SHANK1: variants seen among roughly 807,000 people sequenced by gnomAD.
The protein encoded by SHANK1 is SH3 and multiple ankyrin repeat domains protein 1.
Under a neutral mutation model 165.6 loss-of-function variants are expected in SHANK1, and 35 were observed. That is an observed-to-expected ratio of 0.21 (90% CI 0.16 to 0.28). The LOEUF is 0.28. Ranked by LOEUF, SHANK1 falls within the 10% of genes least tolerant of loss-of-function variation. SHANK1 has a pLI of 1.00. For synonymous variants in SHANK1, 1,428 were observed against 1,384.8 expected (o/e 1.03, Z -0.69); for missense variants, 2,681 against 3,036.4 (o/e 0.88, Z 2.75).
rs1223410561 is a variant in SHANK1 at position 50,688,207 on chromosome 19, C to T, written c.2173-149G>A. 1 of 983,316 alleles carries T rather than the reference C, an allele frequency of 1.0e-6. No individual in the cohort carries two copies. The allele number at this position is 983,316 out of a possible 1,614,324, so 60.9% of individuals were successfully genotyped here. A position where few individuals can be genotyped will look rare whatever the true frequency, so the allele number is the denominator to read the frequency against. ...CTCCCTCCGACCCTTCATACCACCGCCTCCCTGGGCAAGCCCCCTTTCCCA... is the reference window on the plus strand; with the variant it reads ...CTCCCTCCGACCCTTCATACCACCGTCTCCCTGGGCAAGCCCCCTTTCCCA... On this transcript the variant is annotated intron_variant, in intron 17 of 23. Transcript: ENST00000293441. The surrounding 1 kb of genome is among the most constrained non-coding windows in gnomAD (Gnocchi z 6.7).
At chr19:50,672,230 C>G (rs572578866) in intron 21 of SHANK1, 116 bp from the exon 22 acceptor site, 3 of 829,460 alleles carry the variant, frequency 3.6e-6, no homozygotes, top group Non-Finnish European at 5.8e-6. Flanking sequence ...AAGCCCCTGC[C>G]GTAAGGGAGA....
rs529072525 is a variant in SHANK1 at position 50,712,642 on chromosome 19, GA to G, written c.793-529del. On this transcript the variant is annotated intron_variant, in intron 6 of 23. Coordinates refer to ENST00000293441, the MANE Select transcript of SHANK1 (RefSeq NM_016148.5). ...TGGAGGCCACTTCCTGCCCCCACTT[GA>G]AGGACAGCTCTGGGTGTGGAAGGCT... Among the ~76,000 whole-genome samples, 452 of 152,350 alleles carry G rather than the reference GA, an allele frequency of 3.0e-3. 7 individuals carry two copies. Among genetic ancestry groups the G allele is most frequent in the African/African-American group, 0.01 (426 of 41,586 alleles).
chr19:50,703,389 G>T, intron 11 of SHANK1, 111 bp downstream of exon 11: 2 of 903,418 alleles, frequency 2.2e-6, no homozygotes, highest in Non-Finnish European at 3.3e-6. Flanking sequence ...CTAGGGACTT[G>T]GATGAGGGCC....
In SHANK1 at chr19:50,712,228, T is replaced by A. The variant is rs148374633; in HGVS notation, c.793-114A>T. 6.4e-6 allele frequency: 7 copies of A among 1,096,328 alleles called. No homozygotes were observed. The African/African-American group carries it at 9.5e-5, about 15-fold the overall frequency. The allele number at this position is 1,096,328 out of a possible 1,614,324, so 67.9% of individuals were successfully genotyped here. ...GTCCTGGGTGACCTACAGTGGCCAA[T>A]GACAGTCTCAGTTCTGCCGTGATGC... On this transcript the variant is annotated intron_variant, in intron 6 of 23. Transcript: ENST00000293441.
chr19:50,694,018 A>AG (rs1986633772), intron 15 of SHANK1, among the ~76,000 whole-genome samples: 1 of 115,994 alleles, frequency 8.6e-6, no homozygotes. Context: ...TCCAGCACAC[A>AG]CCACACACAC....
At chr19:50,673,584 C>T (rs1255458513) in intron 21 of SHANK1, among the ~76,000 whole-genome samples, 9 of 152,096 alleles carry the variant, frequency 5.9e-5, no homozygotes, top group Non-Finnish European at 1.0e-4. Context: ...CTCTCTTCCC[C>T]AGAAACCATC....
At chr19:50,705,762 C>T (rs146760067) in intron 8 of SHANK1, among the ~76,000 whole-genome samples, 7 of 152,306 alleles carry the variant, frequency 4.6e-5, no homozygotes, top group Non-Finnish European at 7.3e-5. Flanking sequence ...ACGTGCCAGG[C>T]GCTTGGCACT....
chr19:50,664,921 A>AT (rs1472848367), intron 23 of SHANK1, among the ~76,000 whole-genome samples: 8 of 152,046 alleles, frequency 5.3e-5, no homozygotes, highest in Admixed American at 3.9e-4. Flanking sequence ...TGACCGGCTA[A>AT]TTTTTTGTAT....
At position 50,667,408 on chromosome 19, in the gene SHANK1, C is replaced by T. The variant is rs753058254; in HGVS notation, c.4552G>A (p.Val1518Ile). The T allele has an allele frequency of 5.9e-6, 9 of 1,516,140 alleles. No individual in the cohort carries two copies. The highest frequency in any genetic ancestry group is 2.5e-5 in the South Asian group (2 of 78,850). The allele number at this position is 1,516,140 out of a possible 1,614,324, so 93.9% of individuals were successfully genotyped here. The change falls in exon 23 of 24, where the codon GTC becomes ATC. Residue 1518 changes from valine to isoleucine, a missense_variant. Physicochemically the swap from Val to Ile is conservative, Grantham distance 29. Coordinates refer to ENST00000293441, the MANE Select transcript of SHANK1 (RefSeq NM_016148.5). The surrounding 1 kb of genome is among the most constrained non-coding windows in gnomAD (Gnocchi z 5.7). ...RGPPSEDGPG[V>I]PPPSPRRSVP... The stretch of plus-strand genomic sequence containing the variant: ...GACCGGCGTGGGCTGGGCGGCGGGA[C>T]CCCCGGCCCGTCCTCCGAGGGGGGA...
In SHANK1 at chr19:50,697,960, G is replaced by A. The variant is rs765460615; in HGVS notation, c.1748-4C>T. ...CCTCCTTCCCCGATGCTAAGTACTG[G>A]ATGGGGAACGGGGACATAGAGACAT... is the stretch of plus-strand genomic sequence containing the variant. On this transcript the variant is annotated splice_polypyrimidine_tract_variant and splice_region_variant and intron_variant, in intron 12 of 23. Coordinates refer to ENST00000293441, the MANE Select transcript of SHANK1 (RefSeq NM_016148.5). This position sits in a 1 kb window ranked among gnomAD's most constrained non-coding sequence, Gnocchi z 4.7. 1 of 1,597,822 alleles carries A rather than the reference G, an allele frequency of 6.3e-7. No individual in the cohort carries two copies. The highest frequency in any genetic ancestry group is 8.6e-7 in the Non-Finnish European group (1 of 1,165,876).
chr19:50,679,848 A>G (rs1986115511), intron 21 of SHANK1, among the ~76,000 whole-genome samples: 1 of 152,044 alleles, frequency 6.6e-6, no homozygotes, highest in Non-Finnish European at 1.5e-5. Context: ...AGAGACAGAG[A>G]TAGAGAGACA....
rs563250952 is a variant in SHANK1, at chr19:50,716,723, T to C, written c.197A>G (p.Asp66Gly). 1.2e-6 allele frequency: 2 copies of C among 1,606,014 alleles called. No homozygotes were observed. Among genetic ancestry groups the C allele is most frequent in the Non-Finnish European group, 1.7e-6 (2 of 1,176,170 alleles). ...GACCATCATGCTGAAGTGGGCGTCG[T>C]CTGGGACGGACATTGAGCGGCCCTG... is the stretch of plus-strand genomic sequence containing the variant. ...GLQGRSMSVPDDAHFSMMVFR... is the reference protein window; with the variant it reads ...GLQGRSMSVPGDAHFSMMVFR... Residue 66 changes from aspartate (D) to glycine (G), a missense_variant, in exon 2 of 24, where the codon GAC becomes GGC. Transcript: ENST00000293441. The surrounding 1 kb of genome is among the most constrained non-coding windows in gnomAD (Gnocchi z 8.4).
At chr19:50,669,499 G>A (rs1011644110) in intron 22 of SHANK1, among the ~76,000 whole-genome samples, 1 of 152,128 alleles carries the variant, frequency 6.6e-6, no homozygotes, top group Non-Finnish European at 1.5e-5. Context: ...ACTGCAAACC[G>A]CAAGGAAGGT....
chr19:50,681,808 G>A (rs1415646715), intron 21 of SHANK1, among the ~76,000 whole-genome samples: 2 of 152,114 alleles, frequency 1.3e-5, no homozygotes, highest in Non-Finnish European at 2.9e-5. Context: ...GTCTCATTCT[G>A]TTGCCCAGGC....
intron 8 of SHANK1, among the ~76,000 whole-genome samples, chr19:50,709,750 C>T (rs1599871312): frequency 6.6e-6 from 1 of 152,070 alleles, no homozygotes; most frequent in African/African-American, 2.4e-5. Flanking sequence ...CAGGTTTTCC[C>T]ACGTTGCCCA....
intron 21 of SHANK1, among the ~76,000 whole-genome samples, chr19:50,674,397 A>C (rs1248517615): frequency 6.6e-6 from 1 of 151,936 alleles, no homozygotes; most frequent in Non-Finnish European, 1.5e-5. Context: ...TGAAGTTCGC[A>C]CCTTTGGGAT....
chr19:50,681,534 G>A (rs538401139), intron 21 of SHANK1, among the ~76,000 whole-genome samples: 1 of 152,258 alleles, frequency 6.6e-6, no homozygotes, highest in South Asian at 2.1e-4. Context: ...GCTCTTGACT[G>A]TCCTGTAACT....
intron 15 of SHANK1, among the ~76,000 whole-genome samples, chr19:50,692,654 ACCACAG>A (rs1986577493): frequency 6.6e-6 from 1 of 150,920 alleles, no homozygotes; most frequent in Non-Finnish European, 1.5e-5. Context: ...CCCTCATCCC[ACCACAG>A]TCTCCTTGAA....
Position 50,666,638 on chromosome 19 carries a change from CCCGCTGGGGCCAGGCCGCAGGCCT to C in SHANK1, c.5298_5321del (p.Pro1770_Arg1777del), listed in dbSNP as rs1985528838. On this transcript the variant is annotated inframe_deletion, in exon 23 of 24. Transcript: ENST00000293441. ...TGGGGGTAACAGGGTCTCGGAGTCC[CCCGCTGGGGCCAGGCCGCAGGCCT>C]CCGCTGGCTCCTAGCGCCCGGCCCC... 1 of 1,595,306 alleles carries C rather than the reference CCCGCTGGGGCCAGGCCGCAGGCCT, an allele frequency of 6.3e-7. No homozygotes were observed. Among genetic ancestry groups the C allele is most frequent in the South Asian group, 1.1e-5 (1 of 88,686 alleles).
Sources: gnomAD v4.1 joint callset for allele counts (sites outside exome capture counted in the v4.1 genomes callset) on GRCh38, gnomAD v4.1.1 for gene constraint, Gnocchi (gnomAD v3.1) non-coding constraint, MANE v1.5 for transcripts, NCBI Gene and HGNC (gene_info 2026-07-23, HGNC 2026-07-21) for gene names.